Variants in SNTG1 observed in about 807,000 individuals in gnomAD.
SNTG1 encodes the protein gamma-1-syntrophin.
Under a neutral mutation model 74.7 loss-of-function variants are expected in SNTG1, and 39 were observed. The observed-to-expected ratio is 0.52, with a 90% CI of 0.40 to 0.68. The LOEUF is 0.68. Ranked by LOEUF, SNTG1 falls within the 30% of genes least tolerant of loss-of-function variation. The probability of loss-of-function intolerance (pLI) is 0.00; values close to 1 mark genes in which losing one functional copy is unlikely to be tolerated. For missense variants in SNTG1, 685 were observed against 609.5 expected, an observed-to-expected ratio of 1.12 and a Z score of -1.30; for synonymous variants, 254 against 217.1, an observed-to-expected ratio of 1.17 and a Z score of -1.49.
chr8:50,419,287 G>C (rs1320292898), intron 4 of SNTG1, among the ~76,000 whole-genome samples: 1 of 152,070 alleles, frequency 6.6e-6, no homozygotes, highest in Non-Finnish European at 1.5e-5. Context: ...ACACACAAAA[G>C]TGCCCTCTTT....
chr8:50,193,313 C>A (rs908645593), intron 2 of SNTG1, among the ~76,000 whole-genome samples: 1 of 152,112 alleles, frequency 6.6e-6, no homozygotes, highest in African/African-American at 2.4e-5. Context: ...TTTGTGTCAT[C>A]TACAATTTAT....
intron 2 of SNTG1, among the ~76,000 whole-genome samples, chr8:50,309,491 A>G (rs2090027445): frequency 6.6e-6 from 1 of 152,208 alleles, no homozygotes; most frequent in African/African-American, 2.4e-5. Flanking sequence ...TGAATTTCGT[A>G]TCAGATGTTA....
chr8:50,553,566 G>A (rs1185992068), intron 12 of SNTG1, among the ~76,000 whole-genome samples: 1 of 152,140 alleles, frequency 6.6e-6, no homozygotes, highest in Non-Finnish European at 1.5e-5. Context: ...TAGTAGGCTA[G>A]GAGGAAAGGA....
intron 18 of SNTG1, among the ~76,000 whole-genome samples, chr8:50,776,659 AT>A (rs1010094743): frequency 1.3e-5 from 2 of 151,536 alleles, no homozygotes; most frequent in African/African-American, 4.8e-5. Context: ...GAAATAAAAT[AT>A]TTAAGGATCA....
intron 13 of SNTG1, among the ~76,000 whole-genome samples, chr8:50,630,997 G>T (rs1392194547): frequency 6.6e-6 from 1 of 152,200 alleles, no homozygotes; most frequent in Non-Finnish European, 1.5e-5. Context: ...CAGGGAGAAA[G>T]CTTCCTAGTT....
intron 2 of SNTG1, among the ~76,000 whole-genome samples, chr8:50,330,610 A>T (rs748991169): frequency 6.6e-6 from 1 of 152,138 alleles, no homozygotes; most frequent in Non-Finnish European, 1.5e-5. Flanking sequence ...CCAATTTACT[A>T]TATTAATCTG....
At chr8:50,651,530 T>C (rs936575315) in intron 13 of SNTG1, among the ~76,000 whole-genome samples, 3 of 152,078 alleles carry the variant, frequency 2.0e-5, no homozygotes, top group African/African-American at 7.2e-5. Flanking sequence ...TGATCTTGGC[T>C]CACTGCAACC....
At chr8:50,385,697 AAAGCAAAC>A (rs2092563250) in intron 2 of SNTG1, among the ~76,000 whole-genome samples, 1 of 152,192 alleles carries the variant, frequency 6.6e-6, no homozygotes, top group Non-Finnish European at 1.5e-5. Flanking sequence ...TGGCCAGCTG[AAAGCAAAC>A]TGCTTCTGAT....
rs1394565769 is a variant in SNTG1 at position 50,096,473 on chromosome 8, C to T, written c.-102-76088C>T. ...TGTAAACGATGACATCCAAATGAAT[C>T]TACCCTTGAAGTAAATAAAGGCTTT... On this transcript the variant is annotated intron_variant, in intron 1 of 18. Transcript: ENST00000642720. 5.3e-5 allele frequency among the ~76,000 whole-genome samples: 8 copies of T among 152,180 alleles called. No homozygotes were observed. The East Asian group carries it at 9.6e-4, about 18-fold the overall frequency.
intron 2 of SNTG1, among the ~76,000 whole-genome samples, chr8:50,290,646 C>T (rs905554793): frequency 1.4e-4 from 21 of 152,146 alleles, no homozygotes; most frequent in Non-Finnish European, 2.6e-4. Flanking sequence ...TATTTATTTA[C>T]ATTTGCTTAT....
intron 17 of SNTG1, among the ~76,000 whole-genome samples, chr8:50,749,824 A>C (rs936389363): frequency 2.0e-5 from 3 of 152,056 alleles, no homozygotes; most frequent in Non-Finnish European, 4.4e-5. Flanking sequence ...GGCTCACTAA[A>C]AATGTACCAA....
intron 16 of SNTG1, chr8:50,708,673 G>A (rs1430694826): frequency 3.7e-6 from 2 of 534,326 alleles, no homozygotes; most frequent in East Asian, 2.9e-5. Context: ...ACTCGGCGGG[G>A]CATACACCTT....
chr8:49,998,340 G>A (rs957189039), intron 1 of SNTG1, among the ~76,000 whole-genome samples: 1 of 151,988 alleles, frequency 6.6e-6, no homozygotes, highest in Non-Finnish European at 1.5e-5. Flanking sequence ...ATAAACACTG[G>A]ACAGCCAGGC....
At chr8:50,281,090 A>C (rs57497781) in intron 2 of SNTG1, among the ~76,000 whole-genome samples, 2,519 of 152,206 alleles carry the variant, frequency 0.017, 67 homozygotes, top group African/African-American at 0.058. Context: ...AGAAGACAGA[A>C]CTGCAAGACT....
At chr8:49,943,587 A>C (rs545085418) in intron 1 of SNTG1, among the ~76,000 whole-genome samples, 1 of 152,342 alleles carries the variant, frequency 6.6e-6, no homozygotes, top group South Asian at 2.1e-4. Context: ...TTTCCAAATG[A>C]CTTCTCTTTT....
intron 1 of SNTG1, among the ~76,000 whole-genome samples, chr8:50,125,241 T>C (rs1043679846): frequency 7.0e-6 from 1 of 142,540 alleles, no homozygotes; most frequent in Non-Finnish European, 1.6e-5. Flanking sequence ...AATGTGAAAT[T>C]AAATCCCAGC....
chr8:50,227,850 G>T (rs1351666865), intron 2 of SNTG1, among the ~76,000 whole-genome samples: 14 of 148,592 alleles, frequency 9.4e-5, no homozygotes, highest in African/African-American at 3.0e-4. Flanking sequence ...AAAAGGTAAG[G>T]TCTATTTCAT....
rs201903542 is a variant in SNTG1, at chr8:50,236,449, A to ATTT, written c.-28+63814_-28+63815insTTT. On this transcript the variant is annotated intron_variant, in intron 2 of 18. Coordinates refer to ENST00000642720, the MANE Select transcript of SNTG1 (RefSeq NM_018967.5). ...TGTTTACAGAAACTTTTTAATTGTA[A>ATTT]ATTTTTTTTTTTTTTTTTTGAGACG... 1.0e-4 allele frequency among the ~76,000 whole-genome samples: 10 copies of ATTT among 96,484 alleles called. 1 individual carries two copies. The highest frequency in any genetic ancestry group is 4.4e-4 in the East Asian group (1 of 2,270). 63.3% of individuals were successfully genotyped at this position (96,484 alleles called of 152,430 possible). A position where few individuals can be genotyped will look rare whatever the true frequency, so the allele number is the denominator to read the frequency against.
At chr8:50,167,537 C>G (rs1184317423) in intron 1 of SNTG1, among the ~76,000 whole-genome samples, 2 of 151,304 alleles carry the variant, frequency 1.3e-5, no homozygotes, top group Non-Finnish European at 2.9e-5. Flanking sequence ...TAGCTCATGC[C>G]TATAATCCCA....
Sources: allele counts gnomAD v4.1 joint callset (sites outside exome capture counted in the v4.1 genomes callset), GRCh38; gene constraint gnomAD v4.1.1; transcripts MANE v1.5; gene names NCBI Gene and HGNC (gene_info 2026-07-23, HGNC 2026-07-21).